The following MAN1A1 variants were observed in gnomAD, a reference collection of about 807,000 sequenced individuals.
MAN1A1 encodes mannosidase alpha class 1A member 1, also known as mannosyl-oligosaccharide 1,2-alpha-mannosidase IA.
Under a neutral mutation model 70.8 loss-of-function variants are expected in MAN1A1, and 29 were observed. That is an observed-to-expected ratio of 0.41 (90% CI 0.31 to 0.56). MAN1A1 has a LOEUF of 0.56. Among genes scored for constraint, MAN1A1 ranks in the 20% least tolerant of loss-of-function variants. The pLI is 0.29. For missense variants in MAN1A1, 747 were observed against 841.3 expected (o/e 0.89, Z 1.39); for synonymous variants, 349 against 330.1 (o/e 1.06, Z -0.62).
In MAN1A1 at chr6:119,251,371, G is replaced by A. The variant is rs545790523; in HGVS notation, c.898-3017C>T. ...GGCTCTGGCTCCAGCTCCAGCTTTT[G>A]AGTCTTCATGGTCTTAAGTTCTCAT... On this transcript the variant is annotated intron_variant, in intron 5 of 12. Transcript: ENST00000368468. 2.4e-4 allele frequency among the ~76,000 whole-genome samples: 37 copies of A among 152,152 alleles called. No individual in the cohort carries two copies. The South Asian group carries it at 7.1e-3, about 29-fold the overall frequency.
chr6:119,317,254 A>T (rs1176029935), intron 2 of MAN1A1, among the ~76,000 whole-genome samples: 1 of 152,060 alleles, frequency 6.6e-6, no homozygotes, highest in Non-Finnish European at 1.5e-5. Flanking sequence ...TTACCACCCA[A>T]AGTCCATGAT....
intron 6 of MAN1A1, among the ~76,000 whole-genome samples, chr6:119,207,699 G>A (rs1333239866): frequency 6.6e-6 from 1 of 152,182 alleles, no homozygotes; most frequent in Admixed American, 6.5e-5. Flanking sequence ...AGGAATCTAT[G>A]TGTTTATAAG....
intron 5 of MAN1A1, among the ~76,000 whole-genome samples, chr6:119,250,648 C>CTGTGTGTGTG (rs71015031): frequency 5.3e-4 from 79 of 148,634 alleles, no homozygotes; most frequent in African/African-American, 1.9e-3. Context: ...TGTTCTCTCT[C>CTGTGTGTGTG]TGTGTGTGTG....
intron 8 of MAN1A1, among the ~76,000 whole-genome samples, chr6:119,194,277 T>C (rs563423657): frequency 6.6e-6 from 1 of 152,184 alleles, no homozygotes; most frequent in Non-Finnish European, 1.5e-5. Context: ...TATTAGCAAA[T>C]CTTTTTTAGA....
intron 10 of MAN1A1, among the ~76,000 whole-genome samples, chr6:119,188,900 A>G (rs753525085): frequency 6.6e-6 from 1 of 152,188 alleles, no homozygotes; most frequent in Non-Finnish European, 1.5e-5. Context: ...AACTCTATAA[A>G]TGTTCACTAC....
In MAN1A1 at chr6:119,248,295, G is replaced by A; in HGVS notation, c.957C>T (p.Pro319=). ...TCAGCAATGCCCAAGGTATTCCAGAGGGAGTATGAAATGCAGGTAGCAATT... is the reference window on the plus strand; with the variant it reads ...TCAGCAATGCCCAAGGTATTCCAGAAGGAGTATGAAATGCAGGTAGCAATT... ...GVKLLPAFHT[P]SGIPWALLNM... The change falls in exon 6 of 13, where the codon CCC becomes CCT. Residue 319 remains proline, a synonymous_variant. Coordinates refer to ENST00000368468, the MANE Select transcript of MAN1A1 (RefSeq NM_005907.4). 1 of 1,613,306 alleles carries A rather than the reference G, an allele frequency of 6.2e-7. No homozygotes were observed.
intron 5 of MAN1A1, among the ~76,000 whole-genome samples, chr6:119,260,204 G>C (rs1413909195): frequency 1.3e-5 from 2 of 152,106 alleles, no homozygotes; most frequent in African/African-American, 4.8e-5. Flanking sequence ...CCCACTCACA[G>C]CTCTGGTAGT....
intron 6 of MAN1A1, among the ~76,000 whole-genome samples, chr6:119,243,755 T>C (rs1218283200): frequency 6.6e-6 from 1 of 152,100 alleles, no homozygotes; most frequent in Non-Finnish European, 1.5e-5. Flanking sequence ...TTTCATCAGA[T>C]AATTAGAATA....
chr6:119,228,170 T>A (rs535221132), intron 6 of MAN1A1, among the ~76,000 whole-genome samples: 2 of 152,188 alleles, frequency 1.3e-5, no homozygotes, highest in South Asian at 4.1e-4. Context: ...TGTAATACAG[T>A]TTTGTAGTAA....
At chr6:119,227,538 T>C (rs1308130588) in intron 6 of MAN1A1, among the ~76,000 whole-genome samples, 1 of 152,168 alleles carries the variant, frequency 6.6e-6, no homozygotes, top group East Asian at 1.9e-4. Context: ...AGTGCAGTGG[T>C]GTAATAATGG....
intron 5 of MAN1A1, among the ~76,000 whole-genome samples, chr6:119,266,044 A>G (rs6911052): frequency 0.055 from 8,390 of 152,244 alleles, 325 homozygotes; most frequent in African/African-American, 0.1. Flanking sequence ...AAATACTTAG[A>G]TATAAACGTA....
Position 119,193,837 on chromosome 6 carries a change from G to C in MAN1A1, c.1266C>G (p.Ala422=), listed in dbSNP as rs978315215. The C allele has an allele frequency of 6.2e-6, 10 of 1,613,654 alleles. No homozygotes were observed. Among genetic ancestry groups the C allele is most frequent in the Non-Finnish European group, 8.5e-6 (10 of 1,179,796 alleles). The change falls in exon 9 of 13, where the codon GCC becomes GCG. Residue 422 remains alanine, a synonymous_variant. Transcript: ENST00000368468. ...GDSFYEYLLK[A]WLMSDKTDLE... is the part of the protein sequence containing the mutation. ...GATCTGTCTTGTCAGACATTAACCA[G>C]GCCTTCAGCAAATACTCATAGAAGC...
chr6:119,193,947 G>T, intron 8 of MAN1A1, 55 bp from the exon 9 acceptor site: 1 of 1,136,476 alleles, frequency 8.8e-7, no homozygotes, highest in Non-Finnish European at 1.3e-6. Flanking sequence ...TTCAGATAAT[G>T]CAGCAAAATC....
chr6:119,256,329 G>A (rs1775457248), intron 5 of MAN1A1, among the ~76,000 whole-genome samples: 1 of 151,926 alleles, frequency 6.6e-6, no homozygotes, highest in Non-Finnish European at 1.5e-5. Flanking sequence ...AAAATAAGAG[G>A]TAGTGAAGAG....
In MAN1A1 at chr6:119,271,114, C is replaced by T. The variant is rs115474740; in HGVS notation, c.897+19569G>A. Among the ~76,000 whole-genome samples, 490 of 152,246 alleles carry T rather than the reference C, an allele frequency of 3.2e-3. 6 individuals carry two copies. The highest frequency in any genetic ancestry group is 0.011 in the African/African-American group (456 of 41,534). The stretch of plus-strand genomic sequence containing the variant: ...CCTAAGCATTGTATGGCAAGAAACA[C>T]AACTCTACATTTCACTGGAAGGAGT... On this transcript the variant is annotated intron_variant, in intron 5 of 12. Transcript: ENST00000368468.
At chr6:119,340,961 GAGA>G (rs537532027) in intron 2 of MAN1A1, among the ~76,000 whole-genome samples, 1 of 152,184 alleles carries the variant, frequency 6.6e-6, no homozygotes. Flanking sequence ...AAACACGAGC[GAGA>G]AGGAGTCATT....
intron 2 of MAN1A1, among the ~76,000 whole-genome samples, chr6:119,317,408 T>A (rs1326437426): frequency 1.3e-5 from 2 of 152,112 alleles, no homozygotes; most frequent in Admixed American, 6.6e-5. Context: ...CTCTCTCCAA[T>A]CCCCAGTAAT....
chr6:119,305,917 G>T (rs1208279833), intron 3 of MAN1A1, among the ~76,000 whole-genome samples: 3 of 152,072 alleles, frequency 2.0e-5, no homozygotes, highest in Non-Finnish European at 4.4e-5. Flanking sequence ...GCCACACCAG[G>T]GTTCAAGTCC....
intron 2 of MAN1A1, among the ~76,000 whole-genome samples, chr6:119,331,582 T>TATATATAC (rs1554216776): frequency 1.5e-4 from 22 of 144,734 alleles, no homozygotes; most frequent in African/African-American, 5.6e-4. Context: ...TATATATATA[T>TATATATAC]ATATATATAT....
Sources: allele counts gnomAD v4.1 joint callset (sites outside exome capture counted in the v4.1 genomes callset), GRCh38; gene constraint gnomAD v4.1.1; transcripts MANE v1.5; gene names NCBI Gene and HGNC (gene_info 2026-07-23, HGNC 2026-07-21).